NUP214: variants seen among roughly 807,000 people sequenced by gnomAD.
NUP214 encodes the protein nucleoporin 214, also known as nuclear pore complex protein Nup214.
In NUP214, 79 loss-of-function variants were observed where a neutral mutation model predicts 196.2. The ratio of observed to expected loss-of-function variants is 0.40; its 90% CI spans 0.34 to 0.49. The LOEUF is 0.49. Among genes scored for constraint, NUP214 ranks in the 20% least tolerant of loss-of-function variants. NUP214 has a pLI of 0.58. For missense variants in NUP214, 2,468 were observed against 2,539.0 expected, an observed-to-expected ratio of 0.97 and a Z score of 0.60; for synonymous variants, 1,020 against 990.5, an observed-to-expected ratio of 1.03 and a Z score of -0.56.
At chr9:131,143,585 T>C (rs926588101) in intron 11 of NUP214, among the ~76,000 whole-genome samples, 2 of 151,814 alleles carry the variant, frequency 1.3e-5, no homozygotes, top group Admixed American at 6.6e-5. Context: ...GTACCTTGTT[T>C]ATATTTCTTT....
At chr9:131,228,658 C>T (rs1042535483) in intron 33 of NUP214, 1 of 214,374 alleles carries the variant, frequency 4.7e-6, no homozygotes, top group African/African-American at 2.3e-5. Context: ...CAAGAGGTGC[C>T]CCGGTGTGGA....
At chr9:131,147,358 T>C in intron 13 of NUP214, 132 bp from the exon 14 acceptor site, 1 of 686,616 alleles carries the variant, frequency 1.5e-6, no homozygotes, top group Admixed American at 2.6e-5. Context: ...CATCACTCTT[T>C]AAAATAAATC....
At position 131,129,431 on chromosome 9, in the gene NUP214, A is replaced by C. The variant is rs753141220; in HGVS notation, c.546A>C (p.Thr182=). The C allele has an allele frequency of 2.5e-6, 4 of 1,614,118 alleles. No homozygotes were observed. The African/African-American group carries it at 4.0e-5, about 16-fold the overall frequency. The change falls in exon 4 of 36, where the codon ACA becomes ACC. Residue 182 remains threonine, a synonymous_variant. Coordinates refer to ENST00000359428, the MANE Select transcript of NUP214 (RefSeq NM_005085.4). ...TTGCTGTCCTGCAAGTCACGGAAAC[A>C]GTGAAAGTATGTGCAACTCTTCCTT... ...GSIAVLQVTE[T]VKVCATLPST...
At chr9:131,128,723 C>T (rs1831440867) in intron 3 of NUP214, 1 of 428,260 alleles carries the variant, frequency 2.3e-6, no homozygotes, top group Non-Finnish European at 4.2e-6. Flanking sequence ...GTGACTTGCC[C>T]AAAGTCATAG....
chr9:131,209,303 G>A (rs778617441), intron 30 of NUP214, among the ~76,000 whole-genome samples: 30 of 152,072 alleles, frequency 2.0e-4, no homozygotes, highest in Non-Finnish European at 2.5e-4. Context: ...ACTTGAGCTC[G>A]GGAGGTCAAG....
chr9:131,209,752 C>T (rs1327766828), intron 30 of NUP214, among the ~76,000 whole-genome samples: 1 of 152,198 alleles, frequency 6.6e-6, no homozygotes, highest in African/African-American at 2.4e-5. Flanking sequence ...GTAAGTGCAA[C>T]AATAATTTAT....
At chr9:131,128,521 C>G (rs1376918047) in intron 3 of NUP214, 38 bp downstream of exon 3, 1 of 1,536,102 alleles carries the variant, frequency 6.5e-7, no homozygotes, top group Non-Finnish European at 8.8e-7. Flanking sequence ...ACATGAGAAC[C>G]CTAAGCAGAT....
chr9:131,185,008 T>G (rs558627033), intron 24 of NUP214, among the ~76,000 whole-genome samples: 21 of 152,352 alleles, frequency 1.4e-4, no homozygotes, highest in African/African-American at 4.6e-4. Context: ...TGATTAAGAT[T>G]TACCAAAATA....
Position 131,127,628 on chromosome 9 carries a change from G to C in NUP214, c.150G>C (p.Leu50=). 1.2e-6 allele frequency: 2 copies of C among 1,614,050 alleles called. No homozygotes were observed. The highest frequency in any genetic ancestry group is 2.2e-5 in the East Asian group (1 of 44,876). Residue 50 remains leucine, a synonymous_variant, in exon 2 of 36, where the codon CTG becomes CTC. Coordinates refer to ENST00000359428, the MANE Select transcript of NUP214 (RefSeq NM_005085.4). ...TTGCTGTGTCCAACAAATATGGTCTGGTCTTCGCTGGTGGAGCCAGTGGCT... is the reference window on the plus strand; with the variant it reads ...TTGCTGTGTCCAACAAATATGGTCTCGTCTTCGCTGGTGGAGCCAGTGGCT... The part of the protein sequence containing the change: ...SLLAVSNKYG[L]VFAGGASGLQ...
At chr9:131,148,245 A>G (rs972780548) in intron 14 of NUP214, among the ~76,000 whole-genome samples, 1 of 152,162 alleles carries the variant, frequency 6.6e-6, no homozygotes, top group South Asian at 2.1e-4. Context: ...TATCAAGTGG[A>G]TTTGTACAGT....
At chr9:131,173,032 A>G (rs1277812582) in intron 21 of NUP214, among the ~76,000 whole-genome samples, 1 of 152,150 alleles carries the variant, frequency 6.6e-6, no homozygotes, top group African/African-American at 2.4e-5. Flanking sequence ...ATTCAGTTCA[A>G]TTCAATTCTA....
chr9:131,151,665 T>G (rs1283486002), intron 16 of NUP214, 71 bp from the exon 17 acceptor site: 20 of 1,242,782 alleles, frequency 1.6e-5, no homozygotes, highest in Non-Finnish European at 2.0e-5. Flanking sequence ...AAACACCACC[T>G]TCCTTGATCC....
intron 6 of NUP214, 47 bp downstream of exon 6, chr9:131,132,706 G>A (rs1831593655): frequency 6.7e-7 from 1 of 1,494,588 alleles, no homozygotes; most frequent in African/African-American, 1.4e-5. Flanking sequence ...GACATGTTAT[G>A]TATATTACAG....
chr9:131,132,998 C>A, intron 6 of NUP214, 108 bp from the exon 7 acceptor site: 1 of 831,768 alleles, frequency 1.2e-6, no homozygotes, highest in East Asian at 2.5e-5. Context: ...GAAATCAGGG[C>A]CTTTGATTTT....
intron 7 of NUP214, among the ~76,000 whole-genome samples, chr9:131,134,684 G>A (rs141667788): frequency 1.3e-5 from 2 of 152,298 alleles, no homozygotes; most frequent in Admixed American, 1.3e-4. Flanking sequence ...CTCGTGGGCA[G>A]AAAGTGGCAG....
intron 32 of NUP214, among the ~76,000 whole-genome samples, chr9:131,226,209 T>C (rs1366389662): frequency 6.6e-6 from 1 of 152,200 alleles, no homozygotes; most frequent in African/African-American, 2.4e-5. Context: ...GCACCTGGCA[T>C]ATAGTGGGCC....
chr9:131,153,081 T>C (rs1832321943), intron 17 of NUP214: 1 of 152,254 alleles, frequency 6.6e-6, no homozygotes, highest in Non-Finnish European at 1.5e-5. Flanking sequence ...TTAATTATTC[T>C]TAATCTCTGC....
At chr9:131,175,833 C>A in intron 23 of NUP214, 1 of 613,526 alleles carries the variant, frequency 1.6e-6, no homozygotes, top group Non-Finnish European at 2.5e-6. Context: ...GGGATTAGAA[C>A]TGCCACATTT....
At chr9:131,169,983 G>T (rs1345985898) in intron 21 of NUP214, among the ~76,000 whole-genome samples, 5 of 152,148 alleles carry the variant, frequency 3.3e-5, no homozygotes, top group South Asian at 2.1e-4. Context: ...AACTAGAATG[G>T]TGGCTGCCGG....
Sources: allele counts gnomAD v4.1 joint callset (sites outside exome capture counted in the v4.1 genomes callset), GRCh38; gene constraint gnomAD v4.1.1; transcripts MANE v1.5; gene names NCBI Gene and HGNC (gene_info 2026-07-23, HGNC 2026-07-21).